PSMA1: variants seen among roughly 807,000 people sequenced by gnomAD.
The protein encoded by PSMA1 is proteasome 20S subunit alpha 1.
PSMA1 carries 3 observed loss-of-function variants against 38.4 expected under a neutral mutation model. That is an observed-to-expected ratio of 0.08 (90% CI 0.04 to 0.20). The LOEUF (loss-of-function observed/expected upper bound fraction) is 0.20, where lower values mean the gene tolerates loss of function less well. Ranked by LOEUF, PSMA1 falls within the 10% of genes least tolerant of loss-of-function variation. PSMA1 has a pLI of 1.00. For missense variants in PSMA1, 227 were observed against 325.3 expected, an observed-to-expected ratio of 0.70 and a Z score of 2.32; for synonymous variants, 101 against 107.1, an observed-to-expected ratio of 0.94 and a Z score of 0.35.
intron 4 of PSMA1, 151 bp downstream of exon 4, chr11:14,517,491 A>T: frequency 1.5e-6 from 1 of 658,078 alleles, no homozygotes; most frequent in Non-Finnish European, 2.5e-6. Context: ...TGGAAAATTT[A>T]ATAACAAACT....
chr11:14,520,151 G>T, intron 1 of PSMA1, 146 bp downstream of exon 1: 14 of 1,301,804 alleles, frequency 1.1e-5, no homozygotes, highest in Non-Finnish European at 1.4e-5. Context: ...CGGAGATGCT[G>T]AATCACTGCC....
chr11:14,630,019 C>G (rs960514184), intron 1 of PSMA1, among the ~76,000 whole-genome samples: 10 of 151,902 alleles, frequency 6.6e-5, no homozygotes, highest in Middle Eastern at 3.4e-3. Flanking sequence ...GATTTTGTAT[C>G]CTGAGACTTT....
At chr11:14,587,455 A>G (rs1488172607) in intron 2 of PSMA1, among the ~76,000 whole-genome samples, 1 of 152,244 alleles carries the variant, frequency 6.6e-6, no homozygotes, top group Non-Finnish European at 1.5e-5. Context: ...CCTTGCAACA[A>G]GGAGAATAAC....
rs113300517 is a variant in PSMA1, at chr11:14,603,547, G to A, written c.21+7419C>T. ...TCAAAGTGCTTAGGTGTGTGTCACA[G>A]TGTTTTGTGCTGAATTTTCCTGTTA... is the stretch of plus-strand genomic sequence containing the variant. On this transcript the variant is annotated intron_variant, in intron 2 of 10. Transcript: ENST00000418988. Among the ~76,000 whole-genome samples the A allele has an allele frequency of 5.4e-3, 815 of 152,314 alleles. 8 individuals carry two copies. Among genetic ancestry groups the A allele is most frequent in the African/African-American group, 0.019 (782 of 41,558 alleles).
chr11:14,624,048 C>T (rs1421329124), intron 1 of PSMA1, among the ~76,000 whole-genome samples: 1 of 152,146 alleles, frequency 6.6e-6, no homozygotes, highest in African/African-American at 2.4e-5. Context: ...AACATTTGAA[C>T]AGGTGACCCA....
chr11:14,543,587 A>G (rs1429043414), intron 2 of PSMA1, among the ~76,000 whole-genome samples: 1 of 152,098 alleles, frequency 6.6e-6, no homozygotes, highest in Non-Finnish European at 1.5e-5. Flanking sequence ...GAGAAAGTCA[A>G]ATAATATAAT....
At chr11:14,581,638 C>T (rs1852282315) in intron 2 of PSMA1, among the ~76,000 whole-genome samples, 1 of 152,052 alleles carries the variant, frequency 6.6e-6, no homozygotes, top group African/African-American at 2.4e-5. Flanking sequence ...CTGTATTAGT[C>T]AAGACTCAGT....
At chr11:14,593,318 G>A (rs775053408) in intron 2 of PSMA1, among the ~76,000 whole-genome samples, 3 of 152,198 alleles carry the variant, frequency 2.0e-5, no homozygotes, top group Non-Finnish European at 4.4e-5. Flanking sequence ...TGCAAGAGAA[G>A]GAAAGCATCT....
rs561276911 is a variant in PSMA1, at chr11:14,612,426, G to A, written c.-165-1275C>T. ...AGTATGATCATATATGTATTATCGT[G>A]TACAATATATCTATATAAAATATAT... On this transcript the variant is annotated intron_variant, in intron 1 of 10. Coordinates refer to the PSMA1 transcript ENST00000418988. 1.5e-4 allele frequency among the ~76,000 whole-genome samples: 23 copies of A among 151,922 alleles called. 1 individual carries two copies. In the East Asian group the frequency reaches 3.5e-3, roughly 23 times the overall value.
At chr11:14,514,717 A>C (rs1356024168) in intron 4 of PSMA1, among the ~76,000 whole-genome samples, 1 of 152,198 alleles carries the variant, frequency 6.6e-6, no homozygotes, top group African/African-American at 2.4e-5. Flanking sequence ...AGCTCTAGAA[A>C]ATCTTTGTAT....
In PSMA1 at chr11:14,632,283, A is replaced by G. The variant is rs1173552869; in HGVS notation, c.-166+11172T>C. Among the ~76,000 whole-genome samples the G allele has an allele frequency of 6.4e-5, 8 of 125,264 alleles. No individual in the cohort carries two copies. The East Asian group carries it at 1.6e-3, about 25-fold the overall frequency. The allele number at this position is 125,264 out of a possible 152,430, so 82.2% of individuals were successfully genotyped here. A position where few individuals can be genotyped will look rare whatever the true frequency, so the allele number is the denominator to read the frequency against. ...GTCTCGATGGTCTTTACATTTTGGC[A>G]TGATTTTGCAGTGGCTGGTACCGGT... is the stretch of plus-strand genomic sequence containing the variant. On this transcript the variant is annotated intron_variant, in intron 1 of 10. Transcript: ENST00000418988.
chr11:14,580,066 C>G (rs1301297151), intron 2 of PSMA1, among the ~76,000 whole-genome samples: 1 of 152,202 alleles, frequency 6.6e-6, no homozygotes, highest in Admixed American at 6.5e-5. Context: ...GATCTGATTA[C>G]TACAAGAGAG....
intron 2 of PSMA1, among the ~76,000 whole-genome samples, chr11:14,557,531 C>T (rs996125629): frequency 6.6e-6 from 1 of 152,310 alleles, no homozygotes; most frequent in African/African-American, 2.4e-5. Context: ...CGTGAGCCAA[C>T]GTGCCTGGCC....
intron 1 of PSMA1, among the ~76,000 whole-genome samples, chr11:14,623,162 G>A (rs146754277): frequency 6.6e-6 from 1 of 152,178 alleles, no homozygotes; most frequent in Non-Finnish European, 1.5e-5. Context: ...AATTGCATGC[G>A]CAGGTAGCTC....
At chr11:14,621,277 T>C (rs1198983533) in intron 1 of PSMA1, among the ~76,000 whole-genome samples, 1 of 152,068 alleles carries the variant, frequency 6.6e-6, no homozygotes, top group African/African-American at 2.4e-5. Context: ...TTATCTTTCT[T>C]TTCTTTTCTT....
chr11:14,612,258 T>C (rs962319113), intron 1 of PSMA1, among the ~76,000 whole-genome samples: 7 of 152,302 alleles, frequency 4.6e-5, no homozygotes, highest in African/African-American at 1.7e-4. Flanking sequence ...TTGCTAACCA[T>C]GGTGTTTAGA....
At chr11:14,581,501 G>C (rs182773344) in intron 2 of PSMA1, among the ~76,000 whole-genome samples, 26 of 152,194 alleles carry the variant, frequency 1.7e-4, no homozygotes, top group African/African-American at 6.0e-4. Context: ...GGGCTAATAT[G>C]AGTAAAACCC....
At chr11:14,525,139 C>A (rs1281272303), upstream of PSMA1, among the ~76,000 whole-genome samples, 1 of 152,052 alleles carries the variant, frequency 6.6e-6, no homozygotes, top group Non-Finnish European at 1.5e-5. Flanking sequence ...CCTTAAAACT[C>A]CCCCACTCTG....
At chr11:14,533,568 CTTTTTTCTTTTCTTTTCT>C (rs1243753192) in intron 2 of PSMA1, among the ~76,000 whole-genome samples, 1 of 139,352 alleles carries the variant, frequency 7.2e-6, no homozygotes, top group Non-Finnish European at 1.5e-5. Flanking sequence ...AAGTTTTTTT[CTTTTTTCTTTTCTTTTCT>C]TTTTTTTTTT....
Sources: gnomAD v4.1 joint callset for allele counts (sites outside exome capture counted in the v4.1 genomes callset) on GRCh38, gnomAD v4.1.1 for gene constraint, MANE v1.5 for transcripts, NCBI Gene and HGNC (gene_info 2026-07-23, HGNC 2026-07-21) for gene names.